Variants in CADM2 observed in about 807,000 individuals in gnomAD.
The protein encoded by CADM2 is immunoglobulin superfamily member 4D.
In CADM2, 12 loss-of-function variants were observed where a neutral mutation model predicts 49.8. That is an observed-to-expected ratio of 0.24 (90% CI 0.15 to 0.39). The LOEUF (loss-of-function observed/expected upper bound fraction) is 0.39, where lower values mean the gene tolerates loss of function less well. Ranked by LOEUF, CADM2 falls within the 10% of genes least tolerant of loss-of-function variation. CADM2 has a pLI of 1.00. For missense variants in CADM2, 378 were observed against 492.3 expected, an observed-to-expected ratio of 0.77 and a Z score of 2.20; for synonymous variants, 214 against 175.4, an observed-to-expected ratio of 1.22 and a Z score of -1.74.
At chr3:85,302,506 T>G (rs541426517) in intron 1 of CADM2, among the ~76,000 whole-genome samples, 1 of 152,206 alleles carries the variant, frequency 6.6e-6, no homozygotes, top group African/African-American at 2.4e-5. Flanking sequence ...CTCTCCATCT[T>G]GAATACTTTT....
At chr3:85,427,306 C>G (rs1316118053) in intron 1 of CADM2, among the ~76,000 whole-genome samples, 3 of 151,186 alleles carry the variant, frequency 2.0e-5, no homozygotes, top group Non-Finnish European at 4.4e-5. Flanking sequence ...AATAATTAAA[C>G]TGGGTGGAAT....
chr3:85,031,762 C>T (rs944197530), intron 1 of CADM2, among the ~76,000 whole-genome samples: 36 of 152,050 alleles, frequency 2.4e-4, no homozygotes, highest in Admixed American at 1.3e-4. Context: ...CCTCGTGATC[C>T]GCCCGCCTTG....
At chr3:85,346,442 A>T (rs533157198) in intron 1 of CADM2, among the ~76,000 whole-genome samples, 24 of 152,294 alleles carry the variant, frequency 1.6e-4, no homozygotes, top group African/African-American at 5.8e-4. Context: ...TATTTTTCAA[A>T]AAAATCTTTA....
intron 1 of CADM2, among the ~76,000 whole-genome samples, chr3:85,689,163 G>C (rs1003147168): frequency 5.9e-5 from 9 of 152,176 alleles, no homozygotes; most frequent in Non-Finnish European, 1.0e-4. Flanking sequence ...GCTGAAAAGG[G>C]AATGCATATT....
At chr3:85,517,631 CTT>C (rs1259916951) in intron 1 of CADM2, among the ~76,000 whole-genome samples, 1 of 152,122 alleles carries the variant, frequency 6.6e-6, no homozygotes, top group Non-Finnish European at 1.5e-5. Flanking sequence ...TTATTTTGTT[CTT>C]CAAGCTGCAC....
At chr3:85,351,906 A>T (rs1168888201) in intron 1 of CADM2, among the ~76,000 whole-genome samples, 1 of 152,112 alleles carries the variant, frequency 6.6e-6, no homozygotes, top group African/African-American at 2.4e-5. Context: ...GTACTTACAC[A>T]GTGCAGACAT....
At chr3:85,098,868 C>G (rs2037905361) in intron 1 of CADM2, among the ~76,000 whole-genome samples, 1 of 152,134 alleles carries the variant, frequency 6.6e-6, no homozygotes, top group African/African-American at 2.4e-5. Flanking sequence ...CTGAGTTGTT[C>G]ATGGATCAAC....
intron 1 of CADM2, among the ~76,000 whole-genome samples, chr3:85,499,004 T>C (rs1439000866): frequency 6.6e-6 from 1 of 152,182 alleles, no homozygotes; most frequent in African/African-American, 2.4e-5. Flanking sequence ...ATGTATATTA[T>C]ATTCAGGGAG....
intron 1 of CADM2, among the ~76,000 whole-genome samples, chr3:85,379,195 T>G (rs1452721651): frequency 6.6e-6 from 1 of 151,940 alleles, no homozygotes; most frequent in African/African-American, 2.4e-5. Context: ...GATCATAATT[T>G]CATGATGATT....
At chr3:85,638,069 C>G (rs1158540318) in intron 1 of CADM2, among the ~76,000 whole-genome samples, 1 of 152,134 alleles carries the variant, frequency 6.6e-6, no homozygotes, top group East Asian at 1.9e-4. Flanking sequence ...CACAAATTCC[C>G]TTAACACATC....
intron 1 of CADM2, among the ~76,000 whole-genome samples, chr3:85,437,915 A>T (rs1335703568): frequency 6.6e-6 from 1 of 152,030 alleles, no homozygotes; most frequent in African/African-American, 2.4e-5. Flanking sequence ...AAAAGAGAAC[A>T]TTATCATTAC....
intron 1 of CADM2, among the ~76,000 whole-genome samples, chr3:85,357,911 T>C (rs1003548942): frequency 7.9e-5 from 12 of 152,072 alleles, no homozygotes; most frequent in African/African-American, 2.9e-4. Flanking sequence ...GACCTCTAGC[T>C]GTATCATCAA....
At chr3:85,281,093 G>A (rs1186217791) in intron 1 of CADM2, among the ~76,000 whole-genome samples, 1 of 151,836 alleles carries the variant, frequency 6.6e-6, no homozygotes, top group Non-Finnish European at 1.5e-5. Flanking sequence ...GGGAATGTAT[G>A]TAAAGACTAC....
At chr3:85,667,374 T>A in intron 1 of CADM2, among the ~76,000 whole-genome samples, 1 of 152,150 alleles carries the variant, frequency 6.6e-6, no homozygotes, top group African/African-American at 2.4e-5. Flanking sequence ...ATATTTTAGA[T>A]TCTTTTTCCA....
intron 1 of CADM2, among the ~76,000 whole-genome samples, chr3:85,167,330 A>T (rs988379115): frequency 1.6e-4 from 24 of 152,118 alleles, no homozygotes; most frequent in African/African-American, 5.5e-4. Flanking sequence ...TTATATATCA[A>T]CAAAGATGAT....
chr3:85,087,278 A>G (rs2037416387), intron 1 of CADM2, among the ~76,000 whole-genome samples: 1 of 152,152 alleles, frequency 6.6e-6, no homozygotes, highest in Non-Finnish European at 1.5e-5. Context: ...ATATTTATAG[A>G]ATGAGTATAG....
intron 1 of CADM2, among the ~76,000 whole-genome samples, chr3:85,626,929 G>A (rs2064146799): frequency 6.6e-6 from 1 of 151,996 alleles, no homozygotes; most frequent in Non-Finnish European, 1.5e-5. Context: ...CATACTTAAA[G>A]GCTCTGGTCC....
chr3:85,578,989 G>T (rs1372764445), intron 1 of CADM2, among the ~76,000 whole-genome samples: 2 of 151,972 alleles, frequency 1.3e-5, no homozygotes, highest in East Asian at 3.9e-4. Context: ...GCACAAACTG[G>T]GTTGTTGACG....
At chr3:85,982,425 A>G (rs1324815094) in intron 8 of CADM2, among the ~76,000 whole-genome samples, 1 of 151,674 alleles carries the variant, frequency 6.6e-6, no homozygotes, top group African/African-American at 2.4e-5. Context: ...TAAAGAAATC[A>G]CACAAAAATA....
Sources: gnomAD v4.1 joint callset for allele counts (sites outside exome capture counted in the v4.1 genomes callset) on GRCh38, gnomAD v4.1.1 for gene constraint, MANE v1.5 for transcripts, NCBI Gene and HGNC (gene_info 2026-07-23, HGNC 2026-07-21) for gene names.